The following CHRM2 variants were observed in gnomAD, a reference collection of about 807,000 sequenced individuals.
CHRM2 encodes the protein muscarinic acetylcholine receptor M2.
CHRM2 carries 8 observed loss-of-function variants against 25.0 expected under a neutral mutation model. The ratio of observed to expected loss-of-function variants is 0.32; its 90% confidence interval spans 0.19 to 0.58. The LOEUF is 0.58. Among genes scored for constraint, CHRM2 ranks in the 20% least tolerant of loss-of-function variants. The pLI is 0.88. For synonymous variants in CHRM2, 202 were observed against 205.7 expected (o/e 0.98, Z 0.15); for missense variants, 440 against 567.1 (o/e 0.78, Z 2.28).
At chr7:136,940,803 T>C (rs1238101100) in intron 2 of CHRM2, among the ~76,000 whole-genome samples, 1 of 152,232 alleles carries the variant, frequency 6.6e-6, no homozygotes, top group Non-Finnish European at 1.5e-5. Flanking sequence ...GTGAATTAGA[T>C]AGGTTATATA....
chr7:136,946,939 A>G (rs1423437456), intron 2 of CHRM2, among the ~76,000 whole-genome samples: 1 of 152,184 alleles, frequency 6.6e-6, no homozygotes, highest in Non-Finnish European at 1.5e-5. Flanking sequence ...GGGAATGGCA[A>G]TCAGAAGAAT....
chr7:136,954,724 C>T (rs148674126), intron 2 of CHRM2, among the ~76,000 whole-genome samples: 1 of 152,278 alleles, frequency 6.6e-6, no homozygotes, highest in East Asian at 1.9e-4. Flanking sequence ...GATTGGAGCC[C>T]AGGAAGCTGA....
chr7:136,968,579 A>C (rs1442882264), intron 2 of CHRM2, among the ~76,000 whole-genome samples: 1 of 151,860 alleles, frequency 6.6e-6, no homozygotes, highest in South Asian at 2.1e-4. Context: ...CTGCACTCCA[A>C]TGTTCATTTT....
chr7:136,951,730 C>A (rs946516831), intron 2 of CHRM2, among the ~76,000 whole-genome samples: 1 of 152,088 alleles, frequency 6.6e-6, no homozygotes, highest in African/African-American at 2.4e-5. Flanking sequence ...TCCTTCCCAC[C>A]CTCCACATTC....
chr7:136,960,004 G>A (rs1199963882), intron 2 of CHRM2, among the ~76,000 whole-genome samples: 1 of 152,192 alleles, frequency 6.6e-6, no homozygotes, highest in Non-Finnish European at 1.5e-5. Context: ...TACAGTGCAA[G>A]TACTATCCCT....
chr7:136,901,435 G>C (rs975263843), intron 2 of CHRM2, among the ~76,000 whole-genome samples: 2 of 151,948 alleles, frequency 1.3e-5, no homozygotes, highest in Non-Finnish European at 2.9e-5. Flanking sequence ...TACAGGAAAA[G>C]AAAAATGTGT....
intron 2 of CHRM2, among the ~76,000 whole-genome samples, chr7:136,922,775 G>C (rs1458080272): frequency 2.0e-5 from 3 of 152,144 alleles, no homozygotes; most frequent in Non-Finnish European, 4.4e-5. Context: ...CTGACACTCT[G>C]ATCTTATTAC....
intron 3 of CHRM2, among the ~76,000 whole-genome samples, chr7:137,007,430 G>A (rs542590917): frequency 6.6e-6 from 1 of 152,114 alleles, no homozygotes; most frequent in South Asian, 2.1e-4. Flanking sequence ...AAGCTAGAGA[G>A]CCATGATTTC....
At chr7:136,984,326 G>T (rs1481140680) in intron 2 of CHRM2, among the ~76,000 whole-genome samples, 1 of 152,154 alleles carries the variant, frequency 6.6e-6, no homozygotes, top group Non-Finnish European at 1.5e-5. Flanking sequence ...ACTTCAGACT[G>T]CTGTGCTGGC....
rs779460928 is a variant in CHRM2 at position 137,015,603 on chromosome 7, C to A, written c.738C>A (p.Asn246Lys). 6 of 1,612,862 alleles carry A rather than the reference C, an allele frequency of 3.7e-6. No homozygotes were observed. The Admixed American group carries it at 5.0e-5, about 13-fold the overall frequency. The change falls in exon 4 of 4, where the codon AAC becomes AAA. Residue 246 changes from asparagine to lysine, a missense_variant. Asn to Lys is a moderately conservative substitution (Grantham distance 94). This residue lies in a region of CHRM2 where 261 missense variants were observed against 261.8 expected (regional missense o/e 1.00). Transcript: ENST00000680005. This position sits in a 1 kb window ranked among gnomAD's most constrained non-coding sequence, Gnocchi z 5.1. Reference sequence around the variant, plus strand: ...GAAGGATAGTGAAGCCAAACAATAACAACATGCCCAGCAGTGACGATGGCC... The same window carrying A: ...GAAGGATAGTGAAGCCAAACAATAAAAACATGCCCAGCAGTGACGATGGCC... The part of the protein sequence containing the change: ...VQGRIVKPNN[N>K]NMPSSDDGLE...
intron 2 of CHRM2, chr7:136,871,319 C>G (rs1181619322): frequency 6.6e-6 from 1 of 152,338 alleles, no homozygotes; most frequent in Non-Finnish European, 1.5e-5. Context: ...CGCTGCAGGC[C>G]GCCCGCGTCT....
intron 2 of CHRM2, among the ~76,000 whole-genome samples, chr7:136,949,717 C>T (rs989008486): frequency 6.8e-6 from 1 of 147,306 alleles, no homozygotes; most frequent in South Asian, 2.2e-4. Flanking sequence ...GTAGCAATAA[C>T]ATCAACTTTT....
intron 2 of CHRM2, among the ~76,000 whole-genome samples, chr7:136,926,730 T>G (rs1290879431): frequency 6.6e-6 from 1 of 152,182 alleles, no homozygotes; most frequent in Non-Finnish European, 1.5e-5. Context: ...TATATCTGTC[T>G]CAACTCCTCT....
At chr7:136,884,106 T>C (rs971380108) in intron 2 of CHRM2, among the ~76,000 whole-genome samples, 1 of 152,188 alleles carries the variant, frequency 6.6e-6, no homozygotes, top group African/African-American at 2.4e-5. Context: ...CTTGCAACTT[T>C]ACATGATTGA....
At chr7:136,916,417 G>T (rs1798116062) in intron 2 of CHRM2, among the ~76,000 whole-genome samples, 2 of 151,608 alleles carry the variant, frequency 1.3e-5, no homozygotes, top group Non-Finnish European at 2.9e-5. Context: ...CATATTTAAA[G>T]AATATCATTT....
intron 3 of CHRM2, among the ~76,000 whole-genome samples, chr7:137,002,200 A>G (rs1007533606): frequency 6.6e-6 from 1 of 152,110 alleles, no homozygotes; most frequent in African/African-American, 2.4e-5. Context: ...TTAGCAAAAG[A>G]GTTTAAGTGA....
chr7:136,930,498 T>A (rs549343190), intron 2 of CHRM2, among the ~76,000 whole-genome samples: 63 of 152,298 alleles, frequency 4.1e-4, no homozygotes, highest in African/African-American at 1.4e-3. Context: ...AATTAAAATT[T>A]AAGTTTAAAA....
chr7:136,968,721 A>AATATATATATATATAT (rs57962090), intron 2 of CHRM2, among the ~76,000 whole-genome samples: 8 of 142,480 alleles, frequency 5.6e-5, no homozygotes, highest in Non-Finnish European at 1.1e-4. Flanking sequence ...TATTATCATA[A>AATATATATATATATAT]ATATATATAT....
At chr7:136,875,894 C>T (rs904531733) in intron 2 of CHRM2, among the ~76,000 whole-genome samples, 48 of 152,158 alleles carry the variant, frequency 3.2e-4, no homozygotes, top group African/African-American at 1.1e-3. Context: ...TTATTCTCCT[C>T]CTCCTCTTCC....
Sources: allele counts gnomAD v4.1 joint callset (sites outside exome capture counted in the v4.1 genomes callset), GRCh38; gene constraint gnomAD v4.1.1; regional missense constraint gnomAD v4.1.1; non-coding constraint Gnocchi (gnomAD v3.1); transcripts MANE v1.5; gene names NCBI Gene and HGNC (gene_info 2026-07-23, HGNC 2026-07-21).